NCK1: variants seen among roughly 807,000 people sequenced by gnomAD.
The protein encoded by NCK1 is SH2/SH3 adapter protein NCK1.
A neutral mutation model predicts 36.6 loss-of-function variants in NCK1; 19 were observed. The observed-to-expected ratio is 0.52, with a 90% CI of 0.36 to 0.76. The LOEUF is 0.76. NCK1 is among the 30% of genes least tolerant of loss of function. The pLI is 0.00. For missense variants in NCK1, 358 were observed against 445.6 expected (o/e 0.80, Z 1.77); for synonymous variants, 165 against 156.0 (o/e 1.06, Z -0.43).
At chr3:136,866,301 T>C (rs998227107) in intron 1 of NCK1, among the ~76,000 whole-genome samples, 14 of 150,734 alleles carry the variant, frequency 9.3e-5, no homozygotes, top group Non-Finnish European at 1.9e-4. Flanking sequence ...TTCCTTTTTC[T>C]TTCTTTCTTT....
At chr3:136,864,215 G>A (rs1207067945) in intron 1 of NCK1, among the ~76,000 whole-genome samples, 1 of 150,270 alleles carries the variant, frequency 6.7e-6, no homozygotes, top group Non-Finnish European at 1.5e-5. Flanking sequence ...AATGTTGGCC[G>A]GGCTCGGTGG....
chr3:136,874,381 G>A (rs1223288011), intron 1 of NCK1, among the ~76,000 whole-genome samples: 1 of 152,128 alleles, frequency 6.6e-6, no homozygotes, highest in Non-Finnish European at 1.5e-5. Context: ...TCACTATGTT[G>A]GCTGGGCAGG....
At chr3:136,913,809 C>T (rs1164920689) in intron 1 of NCK1, among the ~76,000 whole-genome samples, 1 of 152,232 alleles carries the variant, frequency 6.6e-6, no homozygotes, top group Non-Finnish European at 1.5e-5. Flanking sequence ...GCTGGGACTA[C>T]AGGCGCCCGC....
At chr3:136,878,099 C>T (rs1302723469) in intron 1 of NCK1, among the ~76,000 whole-genome samples, 3 of 152,164 alleles carry the variant, frequency 2.0e-5, no homozygotes, top group South Asian at 4.1e-4. Flanking sequence ...TGCTATAACA[C>T]AGATAAACCT....
chr3:136,865,975 C>A lies in NCK1; in HGVS notation c.-19+3622C>A, dbSNP rs143402422. Among the ~76,000 whole-genome samples the A allele has an allele frequency of 1.1e-3, 175 of 152,288 alleles. 5 individuals are homozygous for A. The East Asian group carries it at 0.033, about 29-fold the overall frequency. On this transcript the variant is annotated intron_variant, in intron 1 of 3. Coordinates refer to ENST00000481752, the MANE Select transcript of NCK1 (RefSeq NM_001291999.2). ...TTTGCCAGCCATTTTTATCTTTGAA[C>A]TACTCACTAGCCTTTAATTGGGTTT...
chr3:136,875,152 AACAATACC>A (rs1476134567), intron 1 of NCK1, among the ~76,000 whole-genome samples: 1 of 152,200 alleles, frequency 6.6e-6, no homozygotes, highest in Admixed American at 6.5e-5. Flanking sequence ...GGACTGTCAT[AACAATACC>A]ACAGTCTGCT....
intron 1 of NCK1, among the ~76,000 whole-genome samples, chr3:136,862,572 C>T (rs958299627): frequency 6.6e-6 from 1 of 152,252 alleles, no homozygotes; most frequent in Non-Finnish European, 1.5e-5. Flanking sequence ...CGGGCCGTTG[C>T]CCCAGGGAGC....
intron 1 of NCK1, among the ~76,000 whole-genome samples, chr3:136,922,051 G>A (rs1221087745): frequency 1.3e-5 from 2 of 152,190 alleles, no homozygotes; most frequent in Non-Finnish European, 2.9e-5. Context: ...CCAAAGTGCT[G>A]GGATTACAGG....
rs1940958858 is a variant in NCK1 at position 136,951,045 on chromosome 3, A to T, written c.*2592A>T. ...ATGCACCTTGCACTATTAGTGACAAATAATACTGCTAAACAAAATAGGCTT... is the reference window on the plus strand; with the variant it reads ...ATGCACCTTGCACTATTAGTGACAATTAATACTGCTAAACAAAATAGGCTT... On this transcript the variant is annotated 3_prime_UTR_variant, in exon 4 of 4. Coordinates refer to ENST00000481752, the MANE Select transcript of NCK1 (RefSeq NM_001291999.2). Among the ~76,000 whole-genome samples, 1 of 152,140 alleles carries T rather than the reference A, an allele frequency of 6.6e-6. No individual in the cohort carries two copies. The highest frequency in any genetic ancestry group is 2.1e-4 in the South Asian group (1 of 4,832).
intron 1 of NCK1, among the ~76,000 whole-genome samples, chr3:136,879,461 A>G (rs1157837827): frequency 6.6e-6 from 1 of 152,198 alleles, no homozygotes; most frequent in Non-Finnish European, 1.5e-5. Context: ...CAATTACTGT[A>G]ACAGAATCTA....
chr3:136,867,092 CTTTCTTTCTTTCTTTCTTTCTTTCTTTG>C (rs879670264), intron 1 of NCK1, among the ~76,000 whole-genome samples: 13,957 of 38,706 alleles, frequency 0.36, 2,178 homozygotes, highest in Admixed American at 0.46. Flanking sequence ...TTCTTTCTTT[CTTTCTTTCTTTCTTTCTTTCTTTCTTTG>C]TTTCTTTCTT....
chr3:136,914,291 A>G (rs939006861), intron 1 of NCK1, among the ~76,000 whole-genome samples: 4 of 152,198 alleles, frequency 2.6e-5, no homozygotes, highest in African/African-American at 9.6e-5. Context: ...AGATTGGGGA[A>G]TGGGTAGTCA....
intron 3 of NCK1, among the ~76,000 whole-genome samples, chr3:136,946,702 C>T (rs1576995750): frequency 2.6e-5 from 4 of 152,174 alleles, no homozygotes; most frequent in African/African-American, 9.6e-5. Context: ...CACTGTAGTC[C>T]TTATGACATA....
chr3:136,866,702 C>CT (rs1938421694), intron 1 of NCK1, among the ~76,000 whole-genome samples: 4 of 151,786 alleles, frequency 2.6e-5, no homozygotes, highest in Admixed American at 1.3e-4. Flanking sequence ...CAACCTCCGT[C>CT]TCCTTGGTTC....
At chr3:136,909,006 C>T (rs140840337) in intron 1 of NCK1, among the ~76,000 whole-genome samples, 1 of 152,272 alleles carries the variant, frequency 6.6e-6, no homozygotes, top group East Asian at 1.9e-4. Flanking sequence ...ATCCATGACT[C>T]TTCCCCCACT....
At chr3:136,925,693 A>G (rs529752135) in intron 1 of NCK1, among the ~76,000 whole-genome samples, 99 of 152,216 alleles carry the variant, frequency 6.5e-4, no homozygotes, top group African/African-American at 2.0e-3. Context: ...TTGTGCATCA[A>G]TTGTTCTTTT....
chr3:136,866,401 G>A (rs1198379197), intron 1 of NCK1, among the ~76,000 whole-genome samples: 1 of 150,034 alleles, frequency 6.7e-6, no homozygotes, highest in Non-Finnish European at 1.5e-5. Context: ...TCTGCCTCCC[G>A]GGTTCAAGCG....
chr3:136,880,231 G>A (rs913021978), intron 1 of NCK1, among the ~76,000 whole-genome samples: 3 of 151,784 alleles, frequency 2.0e-5, no homozygotes, highest in African/African-American at 7.3e-5. Flanking sequence ...CTTGCAGTGA[G>A]CCGAGATCAT....
Position 136,946,034 on chromosome 3 carries a change from C to A in NCK1, c.678C>A (p.Asp226Glu). Residue 226 changes from aspartate (D) to glutamate (E), a missense_variant, in exon 3 of 4, where the codon GAC (aspartate) becomes GAA (glutamate). By Grantham distance (45) the Asp-to-Glu change is conservative (BLOSUM62 2). Transcript: ENST00000481752. The part of the protein sequence containing the change: ...VMDVIEKPEN[D>E]PEWWKCRKIN... The stretch of plus-strand genomic sequence containing the variant: ...ATGTTATTGAAAAACCTGAAAATGA[C>A]CCAGAGTGGTGGAAATGCAGGAAGA... 6.2e-7 allele frequency: 1 copy of A among 1,613,892 alleles called. No individual in the cohort carries two copies. The highest frequency in any genetic ancestry group is 8.5e-7 in the Non-Finnish European group (1 of 1,179,982).
Sources: allele counts gnomAD v4.1 joint callset (sites outside exome capture counted in the v4.1 genomes callset), GRCh38; gene constraint gnomAD v4.1.1; transcripts MANE v1.5; gene names NCBI Gene and HGNC (gene_info 2026-07-23, HGNC 2026-07-21).